RHNO1: variants seen among roughly 807,000 people sequenced by gnomAD.
The protein encoded by RHNO1 is RAD9, HUS1, RAD1-interacting nuclear orphan protein 1.
RHNO1 carries 9 observed loss-of-function variants against 7.2 expected under a neutral mutation model. The observed-to-expected ratio is 1.25, with a 90% CI of 0.75 to 2.18. The LOEUF (loss-of-function observed/expected upper bound fraction) is 2.18. Ranked by LOEUF, RHNO1 falls within the 30% of genes most tolerant of loss-of-function variation. The probability of loss-of-function intolerance (pLI) is 0.00; values close to 1 mark genes in which losing one functional copy is unlikely to be tolerated. For missense variants in RHNO1, 292 were observed against 284.5 expected (o/e 1.03, Z -0.19); for synonymous variants, 95 against 107.5 (o/e 0.88, Z 0.72).
chr12:2,880,914 C>T (rs2098156730), intron 1 of RHNO1, among the ~76,000 whole-genome samples: 1 of 151,780 alleles, frequency 6.6e-6, no homozygotes, highest in African/African-American at 2.4e-5. Context: ...TCTGGGATTA[C>T]AGGCGTGAGC....
chr12:2,885,197 T>C (rs1311829263), intron 1 of RHNO1, 86 bp from the exon 2 acceptor site: 1 of 624,906 alleles, frequency 1.6e-6, no homozygotes, highest in Non-Finnish European at 2.8e-6. Flanking sequence ...CCTTGAAGTT[T>C]ATGGTAGAAT....
chr12:2,885,472 C>T lies in RHNO1; in HGVS notation c.106C>T (p.Pro36Ser), dbSNP rs1367892998. 3 of 1,613,820 alleles carry T rather than the reference C, an allele frequency of 1.9e-6. No individual in the cohort carries two copies. Among genetic ancestry groups the T allele is most frequent in the East Asian group, 2.2e-5 (1 of 44,894 alleles). ...ACACAGCTGTGCATCTACACAGCTT[C>T]CCATCACTCACACTCGACAGGTGCC... ...PKHSCASTQLPITHTRQVPSK... is the reference protein window; with the variant it reads ...PKHSCASTQLSITHTRQVPSK... Residue 36 changes from proline (P) to serine (S), a missense_variant, in exon 2 of 3, where the codon CCC becomes TCC. Coordinates refer to ENST00000489288, the MANE Select transcript of RHNO1 (RefSeq NM_001252499.3).
At chr12:2,884,314 A>C (rs1383690174) in intron 1 of RHNO1, among the ~76,000 whole-genome samples, 1 of 151,794 alleles carries the variant, frequency 6.6e-6, no homozygotes, top group East Asian at 1.9e-4. Context: ...GCTCATTGCA[A>C]CCTCCATCTC....
At position 2,885,504 on chromosome 12, in the gene RHNO1, G is replaced by A; in HGVS notation, c.138G>A (p.Lys46=). Residue 46 remains lysine (K), a synonymous_variant, in exon 2 of 3, where the codon AAG becomes AAA. Coordinates refer to ENST00000489288, the MANE Select transcript of RHNO1 (RefSeq NM_001252499.3). ...PITHTRQVPS[K]PIDHSTITSW... ...CTCACACTCGACAGGTGCCCAGCAAGCCCATTGACCACAGCACCATCACTT... is the reference window on the plus strand; with the variant it reads ...CTCACACTCGACAGGTGCCCAGCAAACCCATTGACCACAGCACCATCACTT... 6.3e-7 allele frequency: 1 copy of A among 1,581,822 alleles called. No homozygotes were observed. Among genetic ancestry groups the A allele is most frequent in the Non-Finnish European group, 8.6e-7 (1 of 1,159,950 alleles).
At chr12:2,884,456 G>T (rs773144001) in intron 1 of RHNO1, among the ~76,000 whole-genome samples, 11 of 152,264 alleles carry the variant, frequency 7.2e-5, no homozygotes, top group Non-Finnish European at 1.5e-4. Flanking sequence ...TGAACTCCTG[G>T]CCTAAAGTGA....
chr12:2,883,503 ATATATATATTTTTTTTTTT>A (rs1442095351), intron 1 of RHNO1, among the ~76,000 whole-genome samples: 13 of 34,814 alleles, frequency 3.7e-4, no homozygotes, highest in African/African-American at 2.1e-3. Context: ...ATATATATAT[ATATATATATTTTTTTTTTT>A]TTTTTTTTTT....
At chr12:2,883,487 ATATATATATATATATATATATATATT>A (rs1314844750) in intron 1 of RHNO1, among the ~76,000 whole-genome samples, 3 of 27,294 alleles carry the variant, frequency 1.1e-4, no homozygotes, top group East Asian at 2.2e-3. Flanking sequence ...ATATATATAT[ATATATATATATATATATATATATATT>A]TTTTTTTTTT....
chr12:2,887,164 GA>G (rs1488555088), intron 2 of RHNO1: 9 of 306,580 alleles, frequency 2.9e-5, no homozygotes, highest in African/African-American at 2.0e-4. Flanking sequence ...CCAACACGGT[GA>G]AACTCTGACT....
chr12:2,876,569 G>C (rs1223787080), upstream of RHNO1: 1 of 152,384 alleles, frequency 6.6e-6, no homozygotes, highest in Non-Finnish European at 1.5e-5. Flanking sequence ...GGGAGCAGGG[G>C]AGTGTGTATG....
At position 2,878,437 on chromosome 12, in the gene RHNO1, C is replaced by G. The variant is rs28990679; in HGVS notation, c.-85+1155C>G. Among the ~76,000 whole-genome samples, 1,239 of 152,010 alleles carry G rather than the reference C, an allele frequency of 8.2e-3. 38 individuals carry two copies. Among genetic ancestry groups the G allele is most frequent in the African/African-American group, 0.028 (1,152 of 41,340 alleles). On this transcript the variant is annotated intron_variant, in intron 1 of 2. Coordinates refer to ENST00000489288, the MANE Select transcript of RHNO1 (RefSeq NM_001252499.3). ...ATCTGAGGGGTTTGAGCTAATCGACCTGAATGGAGTGTGGTGTGAGTTGAA... is the reference window on the plus strand; with the variant it reads ...ATCTGAGGGGTTTGAGCTAATCGACGTGAATGGAGTGTGGTGTGAGTTGAA...
intron 1 of RHNO1, among the ~76,000 whole-genome samples, chr12:2,880,662 G>C (rs187979443): frequency 2.0e-5 from 3 of 151,952 alleles, no homozygotes; most frequent in African/African-American, 7.3e-5. Context: ...TTGAGATAGG[G>C]TCTGTCTGTC....
Position 2,888,959 on chromosome 12 carries a change from G to GT in RHNO1, c.*507dup, listed in dbSNP as rs1418349345. The GT allele has an allele frequency of 4.6e-5, 7 of 152,534 alleles. No homozygotes were observed. The highest frequency in any genetic ancestry group is 2.1e-4 in the South Asian group (1 of 4,824). The allele number at this position is 152,534 out of a possible 1,614,324, so 9.4% of individuals were successfully genotyped here. A position where few individuals can be genotyped will look rare whatever the true frequency, so the allele number is the denominator to read the frequency against. On this transcript the variant is annotated 3_prime_UTR_variant, in exon 3 of 3. Transcript: ENST00000489288. ...GTATGTAAGTAAATGGCTGCAGAAA[G>GT]TTTTTTTAGAGAATCCTGCTTCCAT...
chr12:2,884,933 C>G (rs2098163460), intron 1 of RHNO1, among the ~76,000 whole-genome samples: 1 of 152,166 alleles, frequency 6.6e-6, no homozygotes, highest in African/African-American at 2.4e-5. Context: ...ATACTGTATT[C>G]TCATACAGTG....
rs2098168814 is a variant in RHNO1, at chr12:2,888,851, T to C, written c.*392T>C. 1 of 164,428 alleles carries C rather than the reference T, an allele frequency of 6.1e-6. No individual in the cohort carries two copies. The highest frequency in any genetic ancestry group is 1.8e-4 in the South Asian group (1 of 5,522). 10.2% of individuals were successfully genotyped at this position (164,428 alleles called of 1,614,324 possible). ...ACTTTGTGTCATGAACAGTTCAGTTTAGTGTCATGAACTATTCACTTCATA... is the reference window on the plus strand; with the variant it reads ...ACTTTGTGTCATGAACAGTTCAGTTCAGTGTCATGAACTATTCACTTCATA... On this transcript the variant is annotated 3_prime_UTR_variant, in exon 3 of 3. Coordinates refer to ENST00000489288, the MANE Select transcript of RHNO1 (RefSeq NM_001252499.3).
intron 2 of RHNO1, 46 bp from the exon 3 acceptor site, chr12:2,887,865 G>A: frequency 1.4e-6 from 2 of 1,467,522 alleles, no homozygotes; most frequent in East Asian, 4.6e-5. Context: ...TCCTCTCTTA[G>A]GTTAGTACTT....
At chr12:2,886,655 CAAAAAA>C (rs11441422) in intron 2 of RHNO1, among the ~76,000 whole-genome samples, 8 of 95,356 alleles carry the variant, frequency 8.4e-5, no homozygotes, top group African/African-American at 2.0e-4. Context: ...GACCCTGTCT[CAAAAAA>C]AAAAAAAAAA....
chr12:2,880,034 G>C (rs1035174520), intron 1 of RHNO1, among the ~76,000 whole-genome samples: 1 of 152,042 alleles, frequency 6.6e-6, no homozygotes, highest in Non-Finnish European at 1.5e-5. Context: ...TAAGAAAGTG[G>C]GCAGGGTGTG....
At chr12:2,883,480 T>A (rs1488212003) in intron 1 of RHNO1, among the ~76,000 whole-genome samples, 1 of 33,708 alleles carries the variant, frequency 3.0e-5, no homozygotes, top group African/African-American at 7.7e-5. Context: ...GGATAGAATA[T>A]ATATATATAT....
chr12:2,885,137 A>G, intron 1 of RHNO1, 146 bp from the exon 2 acceptor site: 1 of 483,312 alleles, frequency 2.1e-6, no homozygotes, highest in Middle Eastern at 5.4e-4. Context: ...GAATATGAAT[A>G]TTGTGTTTTG....
Sources: gnomAD v4.1 joint callset for allele counts (sites outside exome capture counted in the v4.1 genomes callset) on GRCh38, gnomAD v4.1.1 for gene constraint, MANE v1.5 for transcripts, NCBI Gene and HGNC (gene_info 2026-07-23, HGNC 2026-07-21) for gene names.